Variants in ZBTB20 observed in about 807,000 individuals in gnomAD.
The protein encoded by ZBTB20 is zinc finger and BTB domain containing 20, also known as zinc finger and BTB domain-containing protein 20.
ZBTB20 carries 9 observed loss-of-function variants against 56.9 expected under a neutral mutation model. That is an observed-to-expected ratio of 0.16 (90% CI 0.10 to 0.28). The LOEUF is 0.28. ZBTB20 is among the 10% of genes least tolerant of loss of function. The pLI is 1.00. For synonymous variants in ZBTB20, 417 were observed against 420.7 expected (o/e 0.99, Z 0.11); for missense variants, 655 against 1,003.0 (o/e 0.65, Z 4.69).
At chr3:114,538,988 T>C (rs2048798511) in intron 6 of ZBTB20, among the ~76,000 whole-genome samples, 1 of 152,154 alleles carries the variant, frequency 6.6e-6, no homozygotes, top group African/African-American at 2.4e-5. Flanking sequence ...CCAGTCCTTG[T>C]CCAAGTTAAC....
intron 4 of ZBTB20, among the ~76,000 whole-genome samples, chr3:114,859,470 G>A (rs77870352): frequency 0.024 from 3,608 of 151,444 alleles, 51 homozygotes; most frequent in South Asian, 0.051. Flanking sequence ...TGGAGGAGGT[G>A]CAAAAATTTG....
intron 5 of ZBTB20, among the ~76,000 whole-genome samples, chr3:114,728,208 G>A (rs149942177): frequency 2.6e-5 from 4 of 152,146 alleles, no homozygotes; most frequent in African/African-American, 4.8e-5. Context: ...CCATCCACTC[G>A]TAACACTCAT....
At chr3:114,976,595 C>T (rs2078110165) in intron 2 of ZBTB20, among the ~76,000 whole-genome samples, 1 of 150,028 alleles carries the variant, frequency 6.7e-6, no homozygotes, top group Non-Finnish European at 1.5e-5. Context: ...CACTGCCCTT[C>T]AGCCTGGGTG....
chr3:114,392,961 C>T (rs2086012510), intron 7 of ZBTB20, among the ~76,000 whole-genome samples: 1 of 152,200 alleles, frequency 6.6e-6, no homozygotes, highest in Non-Finnish European at 1.5e-5. Flanking sequence ...AAAAGCTCAG[C>T]TCTTAAATGT....
chr3:115,007,237 T>C (rs2079510999), intron 2 of ZBTB20, among the ~76,000 whole-genome samples: 1 of 151,602 alleles, frequency 6.6e-6, no homozygotes, highest in African/African-American at 2.4e-5. Context: ...AAATATCCTT[T>C]ATGACTTCAA....
intron 5 of ZBTB20, among the ~76,000 whole-genome samples, chr3:114,760,875 A>C (rs1025750585): frequency 6.6e-6 from 1 of 150,922 alleles, no homozygotes; most frequent in Non-Finnish European, 1.5e-5. Flanking sequence ...TATTTGCATG[A>C]CTGTTAAAGG....
intron 6 of ZBTB20, among the ~76,000 whole-genome samples, chr3:114,554,768 C>T (rs1322492835): frequency 1.3e-5 from 2 of 152,016 alleles, no homozygotes. Flanking sequence ...GTCAGCAGAT[C>T]TCTGTATCTT....
intron 7 of ZBTB20, among the ~76,000 whole-genome samples, chr3:114,407,417 G>C (rs975529474): frequency 3.3e-5 from 5 of 152,098 alleles, no homozygotes; most frequent in Non-Finnish European, 5.9e-5. Flanking sequence ...TTTTAAACAG[G>C]GTTGTCCAGA....
intron 2 of ZBTB20, among the ~76,000 whole-genome samples, chr3:115,038,792 T>A (rs1181369638): frequency 6.6e-6 from 1 of 152,120 alleles, no homozygotes; most frequent in Non-Finnish European, 1.5e-5. Context: ...AACTATATAC[T>A]ACTATCAACA....
intron 2 of ZBTB20, among the ~76,000 whole-genome samples, chr3:115,028,938 T>C (rs1032423221): frequency 7.3e-5 from 11 of 150,644 alleles, no homozygotes; most frequent in African/African-American, 2.7e-4. Context: ...CTAGCACTTA[T>C]TATTATAATT....
chr3:114,502,533 A>G (rs10428178), intron 6 of ZBTB20, among the ~76,000 whole-genome samples: 26,384 of 152,218 alleles, frequency 0.17, 2,345 homozygotes, highest in Non-Finnish European at 0.18. Flanking sequence ...ATGCTTTCAA[A>G]TTGTTTCACA....
chr3:115,115,818 T>C (rs145854984), intron 1 of ZBTB20, among the ~76,000 whole-genome samples: 138 of 152,168 alleles, frequency 9.1e-4, no homozygotes, highest in African/African-American at 3.2e-3. Context: ...TCTAGGTAGT[T>C]AGATTTTAAT....
intron 7 of ZBTB20, among the ~76,000 whole-genome samples, chr3:114,404,485 G>A (rs1205131972): frequency 6.6e-6 from 1 of 152,006 alleles, no homozygotes; most frequent in African/African-American, 2.4e-5. Context: ...AACGCCGAGG[G>A]GAAGAAAACA....
chr3:114,778,204 C>T (rs1369049660), intron 5 of ZBTB20, among the ~76,000 whole-genome samples: 1 of 148,804 alleles, frequency 6.7e-6, no homozygotes, highest in East Asian at 2.0e-4. Context: ...ATGTAACAAA[C>T]CTGCACGTTG....
intron 3 of ZBTB20, among the ~76,000 whole-genome samples, chr3:114,914,365 T>C (rs2075662589): frequency 6.6e-6 from 1 of 152,082 alleles, no homozygotes; most frequent in Non-Finnish European, 1.5e-5. Context: ...TTAAATTTCT[T>C]TTTCAGATTA....
intron 1 of ZBTB20, among the ~76,000 whole-genome samples, chr3:115,076,950 T>C (rs1358116229): frequency 1.3e-5 from 2 of 152,132 alleles, no homozygotes; most frequent in Admixed American, 6.6e-5. Flanking sequence ...CAGTTCGCAA[T>C]AGGGTTCACA....
intron 7 of ZBTB20, among the ~76,000 whole-genome samples, chr3:114,481,748 C>T (rs918218445): frequency 1.3e-5 from 2 of 152,158 alleles, no homozygotes; most frequent in Non-Finnish European, 2.9e-5. Flanking sequence ...TCTCTATGTC[C>T]CTATGCTGAA....
intron 4 of ZBTB20, among the ~76,000 whole-genome samples, chr3:114,845,293 C>A (rs184334160): frequency 6.7e-6 from 1 of 148,428 alleles, no homozygotes; most frequent in Non-Finnish European, 1.5e-5. Flanking sequence ...ATTGGCAGCA[C>A]AGAAAATAAA....
At chr3:114,668,461 C>A (rs1424790240) in intron 6 of ZBTB20, among the ~76,000 whole-genome samples, 1 of 151,988 alleles carries the variant, frequency 6.6e-6, no homozygotes, top group Non-Finnish European at 1.5e-5. Context: ...GAGCTTTGGT[C>A]CCTTTGTTTG....
Sources: allele counts gnomAD v4.1 joint callset (sites outside exome capture counted in the v4.1 genomes callset), GRCh38; gene constraint gnomAD v4.1.1; transcripts MANE v1.5; gene names NCBI Gene and HGNC (gene_info 2026-07-23, HGNC 2026-07-21).